COL28A1: variants seen among roughly 807,000 people sequenced by gnomAD.
COL28A1 encodes collagen type XXVIII alpha 1 chain.
Under a neutral mutation model 150.2 loss-of-function variants are expected in COL28A1, and 161 were observed. The ratio of observed to expected loss-of-function variants is 1.07; its 90% CI spans 0.94 to 1.22. The LOEUF (loss-of-function observed/expected upper bound fraction) is 1.22, where lower values mean the gene tolerates loss of function less well. Among genes scored for constraint, COL28A1 ranks in the 50% most tolerant of loss-of-function variants. COL28A1 has a pLI of 0.00. For missense variants in COL28A1, 1,617 were observed against 1,388.3 expected, an observed-to-expected ratio of 1.16 and a Z score of -2.62; for synonymous variants, 552 against 469.7, an observed-to-expected ratio of 1.18 and a Z score of -2.26.
intron 15 of COL28A1, among the ~76,000 whole-genome samples, chr7:7,459,863 C>A (rs1024898500): frequency 1.3e-5 from 2 of 152,172 alleles, no homozygotes; most frequent in African/African-American, 4.8e-5. Context: ...AAGATGAAAG[C>A]CAGACTACTC....
At chr7:7,410,630 G>A (rs1783730027) in intron 27 of COL28A1, among the ~76,000 whole-genome samples, 1 of 145,372 alleles carries the variant, frequency 6.9e-6, no homozygotes, top group Admixed American at 6.9e-5. Flanking sequence ...TACCAAGATT[G>A]GTTTTGTCTT....
At chr7:7,484,285 A>C (rs908125477) in intron 13 of COL28A1, among the ~76,000 whole-genome samples, 2 of 152,214 alleles carry the variant, frequency 1.3e-5, no homozygotes, top group African/African-American at 4.8e-5. Flanking sequence ...GCCAGCAGAC[A>C]ATGGAATTAG....
At chr7:7,372,910 T>C in intron 32 of COL28A1, 88 bp downstream of exon 32, 7 of 1,105,926 alleles carry the variant, frequency 6.3e-6, no homozygotes, top group Non-Finnish European at 9.1e-6. Flanking sequence ...GCCTCCAGAT[T>C]TTTCTATTTG....
At chr7:7,392,251 G>T (rs1012205365) in intron 27 of COL28A1, among the ~76,000 whole-genome samples, 1 of 150,950 alleles carries the variant, frequency 6.6e-6, no homozygotes. Flanking sequence ...TAGTTTGGCT[G>T]GATATGAAAT....
At position 7,374,038 on chromosome 7, in the gene COL28A1, A is replaced by AAAAAAAAAAATATATAT; in HGVS notation, c.2360-493_2360-492insATATATATTTTTTTTTT. ...TACTTGACTCTTAAAAAAAAAAAAA[A>AAAAAAAAAAATATATAT]ATATATATATATATATATATATACT... is the stretch of plus-strand genomic sequence containing the variant. On this transcript the variant is annotated intron_variant, in intron 31 of 34. Coordinates refer to ENST00000399429, the MANE Select transcript of COL28A1 (RefSeq NM_001037763.3). Among the ~76,000 whole-genome samples, 593 of 113,448 alleles carry AAAAAAAAAAATATATAT rather than the reference A, an allele frequency of 5.2e-3. 14 individuals carry two copies. The highest frequency in any genetic ancestry group is 0.021 in the African/African-American group (563 of 26,244). The allele number at this position is 113,448 out of a possible 152,430, so 74.4% of individuals were successfully genotyped here.
intron 9 of COL28A1, 40 bp downstream of exon 9, chr7:7,511,051 G>C: frequency 6.4e-7 from 1 of 1,567,986 alleles, no homozygotes; most frequent in Non-Finnish European, 8.8e-7. Context: ...CAACCCAAAA[G>C]GGATCACAGC....
At chr7:7,488,061 A>G (rs1327795877) in intron 13 of COL28A1, among the ~76,000 whole-genome samples, 3 of 152,332 alleles carry the variant, frequency 2.0e-5, no homozygotes, top group African/African-American at 7.2e-5. Flanking sequence ...TCTGACTTCA[A>G]GTTATAAAGA....
chr7:7,355,784 A>G (rs1780337288), downstream of COL28A1, among the ~76,000 whole-genome samples: 1 of 152,208 alleles, frequency 6.6e-6, no homozygotes, highest in African/African-American at 2.4e-5. Context: ...GGTATGATAT[A>G]CTACTTTTGA....
In COL28A1 at chr7:7,417,907, G is replaced by A; in HGVS notation, c.2088C>T (p.Gly696=). 5 of 1,613,412 alleles carry A rather than the reference G, an allele frequency of 3.1e-6. No homozygotes were observed. The highest frequency in any genetic ancestry group is 4.2e-6 in the Non-Finnish European group (5 of 1,179,648). The part of the protein sequence containing the change: ...QGPKGDTGQK[G]LPGPPGPPGY... ...CAGGGGGGCCAGGAGGGCCAGGCAA[G>A]CCTTTCTGCCCAGTATCACCCTGTT... Residue 696 remains glycine (G), a synonymous_variant, in exon 27 of 35, where the codon GGC becomes GGT. Transcript: ENST00000399429.
At position 7,460,369 on chromosome 7, in the gene COL28A1, A is replaced by G. The variant is rs539508932; in HGVS notation, c.1303-4257T>C. Among the ~76,000 whole-genome samples the G allele has an allele frequency of 3.9e-5, 6 of 151,926 alleles. No individual in the cohort carries two copies. The South Asian group carries it at 1.2e-3, about 31-fold the overall frequency. On this transcript the variant is annotated intron_variant, in intron 15 of 34. Transcript: ENST00000399429. ...GGATATACACTTCTATAAGAAGGTC[A>G]AGTCAATGTTTTTTGTTGTTTTTTT... is the stretch of plus-strand genomic sequence containing the variant.
At chr7:7,483,313 A>G (rs943611100) in intron 13 of COL28A1, among the ~76,000 whole-genome samples, 1 of 152,220 alleles carries the variant, frequency 6.6e-6, no homozygotes, top group African/African-American at 2.4e-5. Context: ...TGACGGGTAT[A>G]GTAGGATGTA....
the COL28A1 span, among the ~76,000 whole-genome samples, chr7:7,341,172 A>C: frequency 6.6e-6 from 1 of 152,130 alleles, no homozygotes; most frequent in Non-Finnish European, 1.5e-5. Context: ...CCAGACACCC[A>C]GTGTATGATG....
chr7:7,502,080 A>C (rs1222323120), intron 11 of COL28A1, among the ~76,000 whole-genome samples: 1 of 152,124 alleles, frequency 6.6e-6, no homozygotes, highest in Non-Finnish European at 1.5e-5. Context: ...CTGTTAGTAG[A>C]GACGGGGTTT....
intron 19 of COL28A1, among the ~76,000 whole-genome samples, chr7:7,443,996 T>G (rs1786035405): frequency 6.6e-6 from 1 of 151,324 alleles, no homozygotes; most frequent in African/African-American, 2.4e-5. Flanking sequence ...GTTTTTTTTT[T>G]TTTTTTTTTT....
At chr7:7,403,965 C>T (rs372673175) in intron 27 of COL28A1, among the ~76,000 whole-genome samples, 43 of 152,214 alleles carry the variant, frequency 2.8e-4, no homozygotes, top group Non-Finnish European at 4.3e-4. Context: ...CTTTTGAATG[C>T]CATTTGTAAT....
At chr7:7,540,287 G>A (rs774941748), upstream of COL28A1, among the ~76,000 whole-genome samples, 4 of 152,082 alleles carry the variant, frequency 2.6e-5, no homozygotes, top group Non-Finnish European at 4.4e-5. Flanking sequence ...TGCTTTAAAT[G>A]GCAAAATATT....
rs143382163 is a variant in COL28A1, at chr7:7,381,565, G to A, written c.2184C>T (p.Gly728=). The A allele has an allele frequency of 6.2e-7, 1 of 1,613,608 alleles. No homozygotes were observed. Among genetic ancestry groups the A allele is most frequent in the South Asian group, 1.1e-5 (1 of 91,064 alleles). The change falls in exon 28 of 35, where the codon GGC becomes GGT. Residue 728 remains glycine (G), a synonymous_variant. Transcript: ENST00000399429. ...QGFPGPKGTM[G]HGLPGQKGEH... ...TTACCTTCTGGCCTGGGAGGCCATG[G>A]CCCATTGTGCCCTTTGGGCCTGGGA...
chr7:7,491,318 GAT>G (rs1350640208), intron 11 of COL28A1, among the ~76,000 whole-genome samples: 2 of 152,158 alleles, frequency 1.3e-5, no homozygotes, highest in African/African-American at 2.4e-5. Flanking sequence ...GACCTTACTG[GAT>G]GCAAAGGAGA....
At chr7:7,380,520 C>T (rs547592853) in intron 30 of COL28A1, 140 bp downstream of exon 30, 4 of 705,308 alleles carry the variant, frequency 5.7e-6, no homozygotes, top group African/African-American at 3.6e-5. Flanking sequence ...TAAGCCAACA[C>T]TGGGCTGGTA....
Sources: gnomAD v4.1 joint callset for allele counts (sites outside exome capture counted in the v4.1 genomes callset) on GRCh38, gnomAD v4.1.1 for gene constraint, MANE v1.5 for transcripts, NCBI Gene and HGNC (gene_info 2026-07-23, HGNC 2026-07-21) for gene names.